Variants in PRMT3 observed in about 807,000 individuals in gnomAD.
PRMT3 encodes protein arginine methyltransferase 3.
A neutral mutation model predicts 71.9 loss-of-function variants in PRMT3; 62 were observed. That is an observed-to-expected ratio of 0.86 (90% confidence interval 0.70 to 1.07). PRMT3 has a LOEUF of 1.07. Among genes scored for constraint, PRMT3 ranks in the 50% least tolerant of loss-of-function variants. The pLI, the probability that PRMT3 is intolerant of heterozygous loss-of-function variation, is 0.00. For missense variants in PRMT3, 663 were observed against 643.0 expected (o/e 1.03, Z -0.34); for synonymous variants, 213 against 220.4 (o/e 0.97, Z 0.30).
intron 15 of PRMT3, among the ~76,000 whole-genome samples, chr11:20,495,596 A>T (rs919902880): frequency 3.9e-5 from 6 of 152,166 alleles, no homozygotes; most frequent in Admixed American, 6.5e-5. Context: ...TCCAAATCTT[A>T]TGCAGTATTC....
At chr11:20,396,705 C>T (rs904595723) in intron 6 of PRMT3, among the ~76,000 whole-genome samples, 2 of 152,030 alleles carry the variant, frequency 1.3e-5, no homozygotes. Flanking sequence ...ACCAGATATA[C>T]AGTGACAGTT....
intron 10 of PRMT3, among the ~76,000 whole-genome samples, chr11:20,449,220 A>T (rs1850096266): frequency 6.6e-6 from 1 of 152,160 alleles, no homozygotes; most frequent in Non-Finnish European, 1.5e-5. Context: ...TTCTATATAT[A>T]TGCTAGTATT....
At chr11:20,408,235 C>T (rs545108243) in intron 9 of PRMT3, among the ~76,000 whole-genome samples, 2 of 152,132 alleles carry the variant, frequency 1.3e-5, no homozygotes, top group Admixed American at 6.5e-5. Context: ...TCACAGTTCT[C>T]ATTGATGAGA....
intron 13 of PRMT3, among the ~76,000 whole-genome samples, chr11:20,479,585 T>G (rs1850879340): frequency 6.6e-6 from 1 of 152,348 alleles, no homozygotes; most frequent in Non-Finnish European, 1.5e-5. Context: ...TATAGGGTAC[T>G]TGCTCAAGAG....
At chr11:20,457,696 T>TA (rs1434272720) in intron 11 of PRMT3, among the ~76,000 whole-genome samples, 2 of 152,342 alleles carry the variant, frequency 1.3e-5, no homozygotes, top group East Asian at 3.9e-4. Flanking sequence ...TATTAACACT[T>TA]ACCTTTTATA....
chr11:20,415,296 C>G (rs1250996463), intron 9 of PRMT3, among the ~76,000 whole-genome samples: 1 of 152,004 alleles, frequency 6.6e-6, no homozygotes, highest in Admixed American at 6.6e-5. Context: ...AATTTATTTC[C>G]CTTCCTAGTA....
In PRMT3 at chr11:20,462,160, G is replaced by A; in HGVS notation, c.1253G>A (p.Gly418Asp). ...AAGACTCTTATTTCAGAACCTTGTG[G>A]TATTAAGGTAGGTGTTTTACCAACT... ...DPKTLISEPC[G>D]IKHIDCHTTS... Residue 418 changes from glycine (G) to aspartate (D), a missense_variant, in exon 12 of 16, where the codon GGT (glycine) becomes GAT (aspartate). Gly to Asp is a moderately conservative substitution (Grantham distance 94, BLOSUM62 -1). Coordinates refer to ENST00000331079, the MANE Select transcript of PRMT3 (RefSeq NM_005788.4). The A allele has an allele frequency of 4.4e-6, 7 of 1,592,500 alleles. No individual in the cohort carries two copies. Among genetic ancestry groups the A allele is most frequent in the Non-Finnish European group, 6.0e-6 (7 of 1,165,776 alleles).
intron 2 of PRMT3, 84 bp from the exon 3 acceptor site, chr11:20,389,653 TAAAAAAA>T: frequency 3.0e-6 from 2 of 662,358 alleles, no homozygotes; most frequent in South Asian, 2.6e-5. Context: ...CCAGCAGAGT[TAAAAAAA>T]AAAAAAAAGT....
chr11:20,481,540 G>A (rs1211883032), intron 13 of PRMT3, among the ~76,000 whole-genome samples: 1 of 152,030 alleles, frequency 6.6e-6, no homozygotes, highest in Non-Finnish European at 1.5e-5. Flanking sequence ...CTTAAAGAAC[G>A]GGTTGTATTG....
chr11:20,407,835 A>T, intron 8 of PRMT3, 76 bp from the exon 9 acceptor site: 1 of 1,370,810 alleles, frequency 7.3e-7, no homozygotes, highest in African/African-American at 1.5e-5. Context: ...AAACATCATA[A>T]TATATGAATA....
At chr11:20,409,863 G>C (rs1033471944) in intron 9 of PRMT3, among the ~76,000 whole-genome samples, 4 of 151,964 alleles carry the variant, frequency 2.6e-5, no homozygotes, top group Admixed American at 1.3e-4. Context: ...GAGAACCACT[G>C]TCCCAAAGAA....
In PRMT3 at chr11:20,397,796, G is replaced by A. The variant is rs966552092; in HGVS notation, c.705+75G>A. ...ACAGGTTCTTTCTTAATATATGTGT[G>A]CACTATAGGAGACCTCTTTTTTTTG... On this transcript the variant is annotated intron_variant, in intron 7 of 15. Coordinates refer to ENST00000331079, the MANE Select transcript of PRMT3 (RefSeq NM_005788.4). The A allele has an allele frequency of 2.7e-5, 40 of 1,497,570 alleles. No individual in the cohort carries two copies. In the African/African-American group the frequency reaches 5.5e-4, roughly 21 times the overall value. 92.8% of individuals were successfully genotyped at this position (1,497,570 alleles called of 1,614,324 possible).
chr11:20,416,302 A>G (rs764142236), intron 9 of PRMT3, among the ~76,000 whole-genome samples: 11 of 152,182 alleles, frequency 7.2e-5, no homozygotes, highest in South Asian at 2.1e-4. Flanking sequence ...AAGAGGGTAA[A>G]TTACATATGA....
At chr11:20,441,266 TATTTA>T (rs2133372691) in intron 10 of PRMT3, among the ~76,000 whole-genome samples, 1 of 2,668 alleles carries the variant, frequency 3.7e-4, no homozygotes, top group African/African-American at 9.6e-4. Flanking sequence ...ACTAACTTTT[TATTTA>T]TTTATTTATT....
At chr11:20,455,957 C>T (rs1482077290) in intron 11 of PRMT3, among the ~76,000 whole-genome samples, 5 of 151,762 alleles carry the variant, frequency 3.3e-5, no homozygotes, top group Non-Finnish European at 7.4e-5. Flanking sequence ...TAAAAGGAAA[C>T]ATAGGTTTAT....
At chr11:20,465,911 GA>G (rs1410632362) in intron 13 of PRMT3, among the ~76,000 whole-genome samples, 2 of 151,892 alleles carry the variant, frequency 1.3e-5, no homozygotes, top group Admixed American at 1.3e-4. Flanking sequence ...CATGAGGGTT[GA>G]AAAAAGACCA....
intron 10 of PRMT3, among the ~76,000 whole-genome samples, chr11:20,441,764 A>C (rs1849908969): frequency 6.7e-6 from 1 of 149,700 alleles, no homozygotes; most frequent in African/African-American, 2.5e-5. Context: ...GCTTTATCAT[A>C]TAACCTACCT....
chr11:20,392,686 C>T (rs985449081), intron 4 of PRMT3, among the ~76,000 whole-genome samples: 1 of 138,624 alleles, frequency 7.2e-6, no homozygotes, highest in South Asian at 2.4e-4. Context: ...TTCCCCAAAT[C>T]CAAACAGTAA....
intron 9 of PRMT3, among the ~76,000 whole-genome samples, chr11:20,409,312 A>T (rs1436860662): frequency 6.6e-6 from 1 of 152,172 alleles, no homozygotes; most frequent in Non-Finnish European, 1.5e-5. Context: ...AGTACATCTA[A>T]CGTGTTAGAA....
Sources: gnomAD v4.1 joint callset for allele counts (sites outside exome capture counted in the v4.1 genomes callset) on GRCh38, gnomAD v4.1.1 for gene constraint, MANE v1.5 for transcripts, NCBI Gene and HGNC (gene_info 2026-07-23, HGNC 2026-07-21) for gene names.